Variants in EFCAB11 observed in about 807,000 individuals in gnomAD.
EFCAB11 encodes EF-hand calcium-binding domain-containing protein 11.
In EFCAB11, 14 loss-of-function variants were observed where a neutral mutation model predicts 23.0. That is an observed-to-expected ratio of 0.61 (90% CI 0.40 to 0.95). EFCAB11 has a LOEUF of 0.95. EFCAB11 is among the 40% of genes least tolerant of loss of function. The probability of loss-of-function intolerance (pLI) is 0.00; values close to 1 mark genes in which losing one functional copy is unlikely to be tolerated. For missense variants in EFCAB11, 198 were observed against 195.8 expected, an observed-to-expected ratio of 1.01 and a Z score of -0.07; for synonymous variants, 65 against 66.6, an observed-to-expected ratio of 0.98 and a Z score of 0.11.
intron 5 of EFCAB11, among the ~76,000 whole-genome samples, chr14:89,840,227 C>T (rs1887215785): frequency 6.6e-6 from 1 of 152,174 alleles, no homozygotes; most frequent in African/African-American, 2.4e-5. Flanking sequence ...ACACCCATGT[C>T]TTAAATACAA....
chr14:89,851,060 T>C (rs1480652326), intron 5 of EFCAB11, among the ~76,000 whole-genome samples: 1 of 152,226 alleles, frequency 6.6e-6, no homozygotes, highest in Non-Finnish European at 1.5e-5. Flanking sequence ...AGTTATATTA[T>C]AGGAATTAAC....
chr14:89,914,918 C>T (rs1181162324), intron 5 of EFCAB11, among the ~76,000 whole-genome samples: 2 of 152,030 alleles, frequency 1.3e-5, no homozygotes, highest in African/African-American at 4.8e-5. Flanking sequence ...GCTACTGCTC[C>T]ATTTGGACTT....
intron 5 of EFCAB11, among the ~76,000 whole-genome samples, chr14:89,833,464 T>C (rs189701265): frequency 0.015 from 2,330 of 152,340 alleles, 26 homozygotes; most frequent in Non-Finnish European, 0.023. Context: ...TAATTATTTG[T>C]CGGATGAATG....
At chr14:89,835,261 G>A (rs1180057864) in intron 5 of EFCAB11, among the ~76,000 whole-genome samples, 1 of 152,120 alleles carries the variant, frequency 6.6e-6, no homozygotes, top group African/African-American at 2.4e-5. Context: ...ACAGGCTGAG[G>A]TCCCTTATCT....
chr14:89,842,847 C>T (rs1015142674), intron 5 of EFCAB11, among the ~76,000 whole-genome samples: 2 of 152,076 alleles, frequency 1.3e-5, no homozygotes, highest in Non-Finnish European at 2.9e-5. Context: ...TCCATGGGGC[C>T]CTCTGCACAT....
At chr14:89,892,366 G>A (rs1434659329) in intron 5 of EFCAB11, 4 of 1,611,732 alleles carry the variant, frequency 2.5e-6, no homozygotes, top group Non-Finnish European at 3.4e-6. Flanking sequence ...AGGGCTTGGG[G>A]GGTGTCCGGC....
intron 5 of EFCAB11, chr14:89,923,169 C>T (rs571070326): frequency 1.3e-5 from 2 of 152,186 alleles, no homozygotes; most frequent in Non-Finnish European, 2.9e-5. Flanking sequence ...TTCAATTCCT[C>T]CATTTCTAAA....
At position 89,886,863 on chromosome 14, in the gene EFCAB11, G is replaced by A. The variant is rs1043276867; in HGVS notation, c.410+44678C>T. 2.6e-5 allele frequency among the ~76,000 whole-genome samples: 4 copies of A among 152,166 alleles called. No individual in the cohort carries two copies. In the East Asian group the frequency reaches 7.7e-4, roughly 29 times the overall value. On this transcript the variant is annotated intron_variant, in intron 5 of 5. Transcript: ENST00000316738. The stretch of plus-strand genomic sequence containing the variant: ...CCCAAAGAGTCAGAAAATTTAATCA[G>A]GCTTAGAGATTAAATATATCCATTG...
intron 5 of EFCAB11, among the ~76,000 whole-genome samples, chr14:89,833,784 A>G (rs945897722): frequency 1.3e-5 from 2 of 152,206 alleles, no homozygotes; most frequent in African/African-American, 4.8e-5. Context: ...GAACTGCAGA[A>G]ATCATTTAGT....
At chr14:89,930,186 A>G (rs1024318127) in intron 5 of EFCAB11, among the ~76,000 whole-genome samples, 1 of 152,382 alleles carries the variant, frequency 6.6e-6, no homozygotes, top group Non-Finnish European at 1.5e-5. Flanking sequence ...TAGCTTGCTC[A>G]GTAGCTTGCT....
At chr14:89,893,896 A>C (rs1446333761) in intron 5 of EFCAB11, among the ~76,000 whole-genome samples, 1 of 152,162 alleles carries the variant, frequency 6.6e-6, no homozygotes, top group Admixed American at 6.5e-5. Context: ...CAGACATGTT[A>C]TTCATCATAT....
chr14:89,901,993 T>C (rs1161013290), intron 5 of EFCAB11, among the ~76,000 whole-genome samples: 4 of 146,630 alleles, frequency 2.7e-5, no homozygotes, highest in Admixed American at 2.0e-4. Context: ...TCTGGTCTCA[T>C]GCATTTCCGA....
intron 5 of EFCAB11, among the ~76,000 whole-genome samples, chr14:89,844,242 A>T (rs192094526): frequency 1.3e-5 from 2 of 152,362 alleles, no homozygotes; most frequent in East Asian, 3.9e-4. Flanking sequence ...TTGAGACAAT[A>T]AAATTAATAC....
At chr14:89,875,915 G>T (rs777618439) in intron 5 of EFCAB11, among the ~76,000 whole-genome samples, 34 of 152,184 alleles carry the variant, frequency 2.2e-4, no homozygotes, top group Non-Finnish European at 4.6e-4. Context: ...GGAAGCATTG[G>T]CTGTTAAAGG....
intron 3 of EFCAB11, among the ~76,000 whole-genome samples, chr14:89,935,949 G>C (rs961037663): frequency 1.3e-5 from 2 of 151,966 alleles, no homozygotes; most frequent in Non-Finnish European, 2.9e-5. Flanking sequence ...TGGAGGTTGC[G>C]GTGAGCCGAG....
At chr14:89,900,320 A>T (rs975027068) in intron 5 of EFCAB11, among the ~76,000 whole-genome samples, 9 of 152,214 alleles carry the variant, frequency 5.9e-5, no homozygotes, top group African/African-American at 1.9e-4. Flanking sequence ...ATTAAAAAAA[A>T]ATCAGGACAG....
At chr14:89,914,250 TCATCACA>T (rs1230259892) in intron 5 of EFCAB11, among the ~76,000 whole-genome samples, 1 of 152,200 alleles carries the variant, frequency 6.6e-6, no homozygotes, top group Non-Finnish European at 1.5e-5. Flanking sequence ...GCATGAGGCA[TCATCACA>T]CCCAAGGAGG....
chr14:89,874,358 C>T (rs1888370198), intron 5 of EFCAB11, among the ~76,000 whole-genome samples: 1 of 152,190 alleles, frequency 6.6e-6, no homozygotes, highest in Non-Finnish European at 1.5e-5. Flanking sequence ...GAGGGGCTGG[C>T]ATAAGGGTCT....
At chr14:89,839,970 T>C (rs996041847) in intron 5 of EFCAB11, among the ~76,000 whole-genome samples, 1 of 152,160 alleles carries the variant, frequency 6.6e-6, no homozygotes, top group Non-Finnish European at 1.5e-5. Flanking sequence ...GGATATGAGA[T>C]GAGATTTGGG....
Sources: allele counts gnomAD v4.1 joint callset (sites outside exome capture counted in the v4.1 genomes callset), GRCh38; gene constraint gnomAD v4.1.1; transcripts MANE v1.5; gene names NCBI Gene and HGNC (gene_info 2026-07-23, HGNC 2026-07-21).